The following FRMD3 variants were observed in gnomAD, a reference collection of about 807,000 sequenced individuals.
FRMD3 encodes FERM domain-containing protein 3.
FRMD3 carries 33 observed loss-of-function variants against 70.2 expected under a neutral mutation model. The observed-to-expected ratio is 0.47, with a 90% CI of 0.36 to 0.63. FRMD3 has a LOEUF of 0.63. FRMD3 is among the 20% of genes least tolerant of loss of function. The pLI is 0.00. For missense variants in FRMD3, 632 were observed against 711.4 expected (o/e 0.89, Z 1.27); for synonymous variants, 279 against 255.9 (o/e 1.09, Z -0.86).
At chr9:83,523,551 G>T (rs1829626287) in intron 1 of FRMD3, among the ~76,000 whole-genome samples, 1 of 152,158 alleles carries the variant, frequency 6.6e-6, no homozygotes, top group African/African-American at 2.4e-5. Flanking sequence ...AAGGAAAAAA[G>T]TAATCTTTAA....
chr9:83,446,877 C>T (rs1291826897), intron 1 of FRMD3, among the ~76,000 whole-genome samples: 1 of 152,058 alleles, frequency 6.6e-6, no homozygotes, highest in Admixed American at 6.6e-5. Context: ...TATTTATAAT[C>T]GAGTATATGT....
At chr9:83,393,232 A>T (rs947892540) in intron 1 of FRMD3, among the ~76,000 whole-genome samples, 2 of 152,224 alleles carry the variant, frequency 1.3e-5, no homozygotes, top group Non-Finnish European at 2.9e-5. Flanking sequence ...GTACACTGTG[A>T]CTTGATTCTT....
intron 1 of FRMD3, among the ~76,000 whole-genome samples, chr9:83,493,817 T>C (rs567144314): frequency 6.6e-6 from 1 of 152,096 alleles, no homozygotes; most frequent in Admixed American, 6.6e-5. Flanking sequence ...GCAGCTCAAG[T>C]CCCTCCCTTC....
At chr9:83,384,599 G>A (rs1230489679) in intron 2 of FRMD3, among the ~76,000 whole-genome samples, 3 of 152,122 alleles carry the variant, frequency 2.0e-5, no homozygotes, top group Non-Finnish European at 4.4e-5. Flanking sequence ...TTATATTAGG[G>A]TTGTGACGGT....
At chr9:83,316,214 A>G (rs553860409) in intron 6 of FRMD3, among the ~76,000 whole-genome samples, 10 of 132,118 alleles carry the variant, frequency 7.6e-5, no homozygotes, top group African/African-American at 3.0e-4. Context: ...GTTGGAGTGC[A>G]GTGGTGCAAT....
chr9:83,246,824 C>T lies in FRMD3; in HGVS notation c.*1094G>A, dbSNP rs897431480. 6.3e-5 allele frequency: 62 copies of T among 985,184 alleles called. No homozygotes were observed. The South Asian group carries it at 1.3e-3, about 21-fold the overall frequency. The allele number at this position is 985,184 out of a possible 1,614,324, so 61.0% of individuals were successfully genotyped here. A position where few individuals can be genotyped will look rare whatever the true frequency, so the allele number is the denominator to read the frequency against. On this transcript the variant is annotated 3_prime_UTR_variant, in exon 14 of 14. Transcript: ENST00000304195. ...AACATGTTCATGTTAACTCAGACAG[C>T]GACTGCACTGCTCTTCACATCATCG...
intron 1 of FRMD3, among the ~76,000 whole-genome samples, chr9:83,503,350 C>T (rs1042502909): frequency 1.3e-5 from 2 of 152,136 alleles, no homozygotes; most frequent in African/African-American, 4.8e-5. Flanking sequence ...TTTCATGCAT[C>T]GCTGCTGGCT....
intron 3 of FRMD3, among the ~76,000 whole-genome samples, chr9:83,367,075 T>A (rs1824813763): frequency 6.6e-6 from 1 of 152,206 alleles, no homozygotes; most frequent in African/African-American, 2.4e-5. Context: ...CACTGTTATG[T>A]TGCATAGCAA....
chr9:83,354,277 A>G (rs1479407208), intron 3 of FRMD3, among the ~76,000 whole-genome samples: 1 of 152,202 alleles, frequency 6.6e-6, no homozygotes, highest in East Asian at 1.9e-4. Flanking sequence ...GGTGGACTGA[A>G]TAAAGAAAAT....
At chr9:83,414,105 A>G (rs1028107777) in intron 1 of FRMD3, among the ~76,000 whole-genome samples, 10 of 152,308 alleles carry the variant, frequency 6.6e-5, no homozygotes, top group African/African-American at 2.4e-4. Context: ...ATCTATAGAG[A>G]CAGAAAGTAG....
intron 1 of FRMD3, among the ~76,000 whole-genome samples, chr9:83,448,967 G>C (rs192256545): frequency 1.3e-5 from 2 of 152,240 alleles, no homozygotes; most frequent in Admixed American, 1.3e-4. Context: ...TAGCAAAATG[G>C]GCCTTGGGGG....
chr9:83,432,078 G>A (rs1312662402), intron 1 of FRMD3, among the ~76,000 whole-genome samples: 2 of 152,066 alleles, frequency 1.3e-5, no homozygotes, highest in African/African-American at 2.4e-5. Context: ...TTCCCTCATT[G>A]CATTCCCAAT....
chr9:83,523,293 G>T (rs1444756681), intron 1 of FRMD3, among the ~76,000 whole-genome samples: 1 of 152,008 alleles, frequency 6.6e-6, no homozygotes, highest in Non-Finnish European at 1.5e-5. Context: ...GATAAATGAT[G>T]AATGAATTAA....
At chr9:83,572,624 C>T in the FRMD3 span, among the ~76,000 whole-genome samples, 2,788 of 152,194 alleles carry the variant, frequency 0.018, 64 homozygotes, top group Admixed American at 0.042. Flanking sequence ...GATTGCTACG[C>T]AGCATTATGA....
Position 83,312,611 on chromosome 9 carries a change from C to T in FRMD3, c.685-636G>A, listed in dbSNP as rs371009731. On this transcript the variant is annotated intron_variant, in intron 7 of 13. Coordinates refer to ENST00000304195, the MANE Select transcript of FRMD3 (RefSeq NM_174938.6). ...GATTAGTACCATTCTAGGAAAGAGCCGCTGGTAAATATTCCAACATTTGCG... is the reference window on the plus strand; with the variant it reads ...GATTAGTACCATTCTAGGAAAGAGCTGCTGGTAAATATTCCAACATTTGCG... 5.3e-5 allele frequency among the ~76,000 whole-genome samples: 8 copies of T among 152,260 alleles called. No individual in the cohort carries two copies. The East Asian group carries it at 5.8e-4, about 11-fold the overall frequency.
chr9:83,437,379 C>T (rs1827166342), intron 1 of FRMD3, among the ~76,000 whole-genome samples: 1 of 152,212 alleles, frequency 6.6e-6, no homozygotes, highest in African/African-American at 2.4e-5. Flanking sequence ...CATAAACCAG[C>T]TTTGCCATCC....
chr9:83,294,824 A>G (rs531222569), intron 12 of FRMD3, among the ~76,000 whole-genome samples: 1 of 152,204 alleles, frequency 6.6e-6, no homozygotes, highest in East Asian at 1.9e-4. Flanking sequence ...TCTGCTTGCT[A>G]CCCCTACTGT....
At chr9:83,530,928 G>A (rs936312397) in intron 1 of FRMD3, among the ~76,000 whole-genome samples, 1 of 152,104 alleles carries the variant, frequency 6.6e-6, no homozygotes, top group South Asian at 2.1e-4. Flanking sequence ...TGAGTCCCAG[G>A]GTCAAGCTCT....
chr9:83,328,568 T>C (rs1393782929), intron 6 of FRMD3, among the ~76,000 whole-genome samples: 1 of 152,218 alleles, frequency 6.6e-6, no homozygotes, highest in African/African-American at 2.4e-5. Context: ...GTCAAAACTG[T>C]CTTTGACTAA....
Sources: allele counts gnomAD v4.1 joint callset (sites outside exome capture counted in the v4.1 genomes callset), GRCh38; gene constraint gnomAD v4.1.1; transcripts MANE v1.5; gene names NCBI Gene and HGNC (gene_info 2026-07-23, HGNC 2026-07-21).